SPTBN4: variants seen among roughly 807,000 people sequenced by gnomAD.
SPTBN4 encodes spectrin beta, non-erythrocytic 4.
In SPTBN4, 96 loss-of-function variants were observed where a neutral mutation model predicts 277.8. The ratio of observed to expected loss-of-function variants is 0.35; its 90% confidence interval spans 0.29 to 0.41. SPTBN4 has a LOEUF of 0.41. Ranked by LOEUF, SPTBN4 falls within the 10% of genes least tolerant of loss-of-function variation. SPTBN4 has a pLI of 1.00. For missense variants in SPTBN4, 3,006 were observed against 3,595.7 expected (o/e 0.84, Z 4.19); for synonymous variants, 1,481 against 1,580.3 (o/e 0.94, Z 1.49).
At chr19:40,536,049 A>G (rs189866673) in intron 20 of SPTBN4, among the ~76,000 whole-genome samples, 5 of 152,314 alleles carry the variant, frequency 3.3e-5, no homozygotes, top group African/African-American at 1.2e-4. Flanking sequence ...GGCAAAATGG[A>G]TGAAAAGTTA....
intron 29 of SPTBN4, among the ~76,000 whole-genome samples, 181 bp downstream of exon 29, chr19:40,565,926 G>T (rs2081087220): frequency 1.3e-5 from 2 of 151,912 alleles, no homozygotes; most frequent in Non-Finnish European, 1.5e-5. Flanking sequence ...ACCCACCCTT[G>T]AAAAAAAAGT....
Position 40,519,629 on chromosome 19 carries a change from G to A in SPTBN4, c.3132G>A (p.Glu1044=). 1.4e-6 allele frequency: 2 copies of A among 1,435,142 alleles called. No individual in the cohort carries two copies. Among genetic ancestry groups the A allele is most frequent in the Non-Finnish European group, 1.8e-6 (2 of 1,106,622 alleles). The allele number at this position is 1,435,142 out of a possible 1,614,324, so 88.9% of individuals were successfully genotyped here. ...LEPRQAALLE[E]AALLAERFPA... ...CGCGCCAGGCGGCCCTTCTGGAGGA[G>A]GCAGCCCTGCTGGCTGAGCGCTTCC... Residue 1044 remains glutamate (E), a synonymous_variant, in exon 16 of 36, where the codon GAG becomes GAA. Coordinates refer to ENST00000598249, the MANE Select transcript of SPTBN4 (RefSeq NM_020971.3). This position sits in a 1 kb window ranked among gnomAD's most constrained non-coding sequence, Gnocchi z 5.7.
In SPTBN4 at chr19:40,472,592, T is replaced by C. The variant is rs1258491214; in HGVS notation, c.-15-15T>C. 5 of 1,586,030 alleles carry C rather than the reference T, an allele frequency of 3.2e-6. No individual in the cohort carries two copies. The Admixed American group carries it at 8.7e-5, about 28-fold the overall frequency. ...GACTTGATCCTAGACCTAACCTACC[T>C]CTCCCTATGTCCAGGCCTCACCTTC... On this transcript the variant is annotated splice_polypyrimidine_tract_variant and intron_variant, in intron 1 of 35. Transcript: ENST00000598249.
chr19:40,491,331 GCT>G (rs1427086477), intron 4 of SPTBN4, among the ~76,000 whole-genome samples: 1 of 152,138 alleles, frequency 6.6e-6, no homozygotes, highest in East Asian at 1.9e-4. Context: ...AGGAGCTGAG[GCT>G]CAGGGGATGG....
intron 20 of SPTBN4, among the ~76,000 whole-genome samples, chr19:40,538,097 C>A (rs528185832): frequency 6.6e-6 from 1 of 152,252 alleles, no homozygotes; most frequent in Non-Finnish European, 1.5e-5. Flanking sequence ...TAGTCAAGAA[C>A]GGCAGCCATG....
At chr19:40,525,255 G>C (rs776082172) in intron 17 of SPTBN4, among the ~76,000 whole-genome samples, 3 of 151,616 alleles carry the variant, frequency 2.0e-5, no homozygotes, top group Non-Finnish European at 4.4e-5. Context: ...TTCTGTTCTT[G>C]AGGATGCAAA....
chr19:40,503,835 C>T lies in SPTBN4; in HGVS notation c.1368C>T (p.Asn456=), dbSNP rs1424093443. Residue 456 remains asparagine (N), a synonymous_variant, in exon 12 of 36, where the codon AAC becomes AAT. Coordinates refer to ENST00000598249, the MANE Select transcript of SPTBN4 (RefSeq NM_020971.3). The part of the protein sequence containing the change: ...NENQRLVSQD[N]FGYELPAVEA... ...TGTCTGGCTCACTGCCCCAGGACAA[C>T]TTTGGGTATGAGCTGCCCGCAGTGG... 3.2e-6 allele frequency: 5 copies of T among 1,581,444 alleles called. No homozygotes were observed. Among genetic ancestry groups the T allele is most frequent in the African/African-American group, 1.3e-5 (1 of 74,524 alleles).
intron 14 of SPTBN4, 47 bp downstream of exon 14, chr19:40,513,601 C>T (rs1042082937): frequency 6.8e-7 from 1 of 1,464,610 alleles, no homozygotes; most frequent in Admixed American, 2.2e-5. Context: ...CTCATGCACC[C>T]AGTCTCACCT....
chr19:40,545,157 G>A (rs919080587), intron 20 of SPTBN4, among the ~76,000 whole-genome samples: 1 of 151,574 alleles, frequency 6.6e-6, no homozygotes, highest in Non-Finnish European at 1.5e-5. Context: ...TTGCAGCGAC[G>A]TGATCTCGGC....
rs540656282 is a variant in SPTBN4, at chr19:40,525,278, T to C, written c.3857+1639T>C. Among the ~76,000 whole-genome samples the C allele has an allele frequency of 3.3e-5, 5 of 151,704 alleles. No individual in the cohort carries two copies. In the South Asian group the frequency reaches 1.0e-3, roughly 32 times the overall value. On this transcript the variant is annotated intron_variant, in intron 17 of 35. Transcript: ENST00000598249. ...TTGAGGATGCAAACTCATCATTTAG[T>C]GCCCCCTTTTCCATCCAGGCCTGGA... is the stretch of plus-strand genomic sequence containing the variant.
At chr19:40,568,477 G>T (rs1474523884) in intron 31 of SPTBN4, among the ~76,000 whole-genome samples, 195 bp downstream of exon 31, 2 of 152,166 alleles carry the variant, frequency 1.3e-5, no homozygotes, top group African/African-American at 2.4e-5. Context: ...ACAGAAAGGG[G>T]AGCCCTTCCT....
intron 35 of SPTBN4, among the ~76,000 whole-genome samples, chr19:40,573,824 G>A (rs944353998): frequency 2.0e-5 from 3 of 150,904 alleles, no homozygotes; most frequent in Non-Finnish European, 2.9e-5. Flanking sequence ...TAAACAGGCC[G>A]GGCATGGTGG....
In SPTBN4 at chr19:40,572,106, C is replaced by G; in HGVS notation, c.7407C>G (p.His2469Gln). 1.2e-6 allele frequency: 2 copies of G among 1,612,922 alleles called. No homozygotes were observed. Among genetic ancestry groups the G allele is most frequent in the Non-Finnish European group, 1.7e-6 (2 of 1,179,514 alleles). ...DSKGPASGST[H>Q]GGEPLLSLHK... ...AGGGCCCGGCATCCGGGAGCACACACGGTGGGGAACCGCTGCTCAGCCTGC... is the reference window on the plus strand; with the variant it reads ...AGGGCCCGGCATCCGGGAGCACACAGGGTGGGGAACCGCTGCTCAGCCTGC... The change falls in exon 34 of 36, where the codon CAC (histidine) becomes CAG (glutamine). Residue 2469 changes from histidine (H) to glutamine (Q), a missense_variant. Around this residue, in one of 5 missense-constraint regions of SPTBN4, gnomAD observed 630 missense variants for 677.6 expected, o/e 0.93. Transcript: ENST00000598249.
rs754996814 is a variant in SPTBN4, at chr19:40,502,134, G to T, written c.904G>T (p.Asp302Tyr). The change falls in exon 9 of 36, where the codon GAC becomes TAC. Residue 302 changes from aspartate to tyrosine, a missense_variant. Around this residue, in one of 5 missense-constraint regions of SPTBN4, gnomAD observed 1,759 missense variants for 2,061.5 expected, o/e 0.85. Transcript: ENST00000598249. This position sits in a 1 kb window ranked among gnomAD's most constrained non-coding sequence, Gnocchi z 4.9. ...CCTTCCTCTGCTGTGTCAGGTCTTG[G>T]ACCAGGTATTGGAGGTGGGGAAGAT... ...VEGKRIGKVLDQVLEVGKIIE... is the reference protein window; with the variant it reads ...VEGKRIGKVLYQVLEVGKIIE... The T allele has an allele frequency of 1.2e-6, 2 of 1,613,688 alleles. No homozygotes were observed. The highest frequency in any genetic ancestry group is 2.7e-5 in the African/African-American group (2 of 75,058).
chr19:40,552,527 T>C (rs956500216), intron 22 of SPTBN4, among the ~76,000 whole-genome samples: 2 of 151,328 alleles, frequency 1.3e-5, no homozygotes, highest in African/African-American at 2.4e-5. Context: ...TTAGGGTTTA[T>C]GCTGATTATT....
At chr19:40,564,362 C>T (rs1050619722) in intron 27 of SPTBN4, among the ~76,000 whole-genome samples, 1 of 152,190 alleles carries the variant, frequency 6.6e-6, no homozygotes, top group African/African-American at 2.4e-5. Context: ...AGACATTTTA[C>T]ATTCTTTTTT....
At chr19:40,492,852 C>T in intron 4 of SPTBN4, 111 bp from the exon 5 acceptor site, 1 of 862,464 alleles carries the variant, frequency 1.2e-6, no homozygotes, top group African/African-American at 1.7e-5. Flanking sequence ...GAAGCTGCCT[C>T]CCCCATCTCC....
chr19:40,519,720 A>T lies in SPTBN4; in HGVS notation c.3223A>T (p.Ser1075Cys). The change falls in exon 16 of 36, where the codon AGC becomes TGC. Residue 1075 changes from serine (S) to cysteine (C), a missense_variant. Around this residue, in one of 5 missense-constraint regions of SPTBN4, gnomAD observed 1,759 missense variants for 2,061.5 expected, o/e 0.85. Coordinates refer to ENST00000598249, the MANE Select transcript of SPTBN4 (RefSeq NM_020971.3). The surrounding 1 kb of genome is among the most constrained non-coding windows in gnomAD (Gnocchi z 5.7). ...GGGCGCCGAGTGGGGCGCGCTAGCT[A>T]GCGCGGCTCAGGCCTGCGGCGAGGC... ...ELGAEWGALASAAQACGEAVA... is the reference protein window; with the variant it reads ...ELGAEWGALACAAQACGEAVA... The T allele has an allele frequency of 7.2e-7, 1 of 1,397,030 alleles. No individual in the cohort carries two copies. The highest frequency in any genetic ancestry group is 1.5e-5 in the African/African-American group (1 of 65,504). The allele number at this position is 1,397,030 out of a possible 1,614,324, so 86.5% of individuals were successfully genotyped here.
In SPTBN4 at chr19:40,532,739, C is replaced by G; in HGVS notation, c.4063C>G (p.Gln1355Glu). 1.2e-6 allele frequency: 2 copies of G among 1,613,590 alleles called. No homozygotes were observed. The highest frequency in any genetic ancestry group is 1.7e-6 in the Non-Finnish European group (2 of 1,179,698). Residue 1355 changes from glutamine (Q) to glutamate (E), a missense_variant, in exon 19 of 36, where the codon CAG (glutamine) becomes GAG (glutamate). Transcript: ENST00000598249. ...RHQAFMAELAQNKEWLEKIER... is the reference protein window; with the variant it reads ...RHQAFMAELAENKEWLEKIER... ...CCAGGCATTCATGGCCGAGCTGGCT[C>G]AGAATAAGGAGTGGCTGGAGAAGAT...
Sources: gnomAD v4.1 joint callset for allele counts (sites outside exome capture counted in the v4.1 genomes callset) on GRCh38, gnomAD v4.1.1 for gene constraint, gnomAD v4.1.1 regional missense constraint, Gnocchi (gnomAD v3.1) non-coding constraint, MANE v1.5 for transcripts, NCBI Gene and HGNC (gene_info 2026-07-23, HGNC 2026-07-21) for gene names.